SIPA1L3: variants seen among roughly 807,000 people sequenced by gnomAD.
SIPA1L3 encodes the protein signal induced proliferation associated 1 like 3.
In SIPA1L3, 59 loss-of-function variants were observed where a neutral mutation model predicts 150.1. The observed-to-expected ratio is 0.39, with a 90% CI of 0.32 to 0.49. SIPA1L3 has a LOEUF of 0.49. SIPA1L3 is among the 20% of genes least tolerant of loss of function. SIPA1L3 has a pLI of 0.86. For missense variants in SIPA1L3, 2,211 were observed against 2,489.5 expected, an observed-to-expected ratio of 0.89 and a Z score of 2.38; for synonymous variants, 1,070 against 1,077.6, an observed-to-expected ratio of 0.99 and a Z score of 0.14.
intron 2 of SIPA1L3, among the ~76,000 whole-genome samples, chr19:38,065,092 G>T (rs1001062644): frequency 2.0e-5 from 3 of 152,206 alleles, no homozygotes; most frequent in African/African-American, 7.2e-5. Flanking sequence ...ATAAAGTTCA[G>T]TTATACCAGG....
intron 1 of SIPA1L3, among the ~76,000 whole-genome samples, chr19:38,000,110 T>G (rs1250700564): frequency 1.3e-5 from 2 of 149,944 alleles, no homozygotes; most frequent in African/African-American, 4.9e-5. Flanking sequence ...AGTTCCTCAA[T>G]TAATAGTGGC....
In SIPA1L3 at chr19:38,164,468, T is replaced by C. The variant is rs1273510003; in HGVS notation, c.3781-11T>C. 6.3e-7 allele frequency: 1 copy of C among 1,590,712 alleles called. No individual in the cohort carries two copies. The highest frequency in any genetic ancestry group is 1.7e-5 in the Admixed American group (1 of 59,040). On this transcript the variant is annotated splice_polypyrimidine_tract_variant and intron_variant, in intron 14 of 21. Coordinates refer to ENST00000222345, the MANE Select transcript of SIPA1L3 (RefSeq NM_015073.3). This position sits in a 1 kb window ranked among gnomAD's most constrained non-coding sequence, Gnocchi z 4.1. Reference sequence around the variant, plus strand: ...GGAGTCTGGGAATGACACGCTTCTCTTGCCTCTCAGGGAGAACCTCAATAC... The same window carrying C: ...GGAGTCTGGGAATGACACGCTTCTCCTGCCTCTCAGGGAGAACCTCAATAC...
At chr19:37,991,804 G>A (rs1188901426) in intron 1 of SIPA1L3, among the ~76,000 whole-genome samples, 1 of 152,196 alleles carries the variant, frequency 6.6e-6, no homozygotes, top group Non-Finnish European at 1.5e-5. Flanking sequence ...TAGGACCGGG[G>A]TGGGGTTTGG....
intron 1 of SIPA1L3, among the ~76,000 whole-genome samples, chr19:38,000,914 T>C (rs1045158126): frequency 5.7e-5 from 7 of 123,872 alleles, no homozygotes; most frequent in African/African-American, 3.0e-5. Context: ...ATATATAACA[T>C]ATATATAACA....
chr19:38,125,156 C>G (rs1478048001), intron 9 of SIPA1L3, among the ~76,000 whole-genome samples: 1 of 152,158 alleles, frequency 6.6e-6, no homozygotes, highest in African/African-American at 2.4e-5. Context: ...CTGTCTCAGC[C>G]CCCCAGGTAG....
At chr19:37,999,461 C>T (rs1044151957) in intron 1 of SIPA1L3, among the ~76,000 whole-genome samples, 2 of 152,210 alleles carry the variant, frequency 1.3e-5, no homozygotes, top group South Asian at 4.1e-4. Context: ...AACAGGCAAC[C>T]GCCCCAGCCT....
intron 1 of SIPA1L3, among the ~76,000 whole-genome samples, chr19:38,022,519 G>A (rs1968397373): frequency 6.7e-6 from 1 of 150,032 alleles, no homozygotes; most frequent in South Asian, 2.1e-4. Flanking sequence ...CTAACATGGT[G>A]AAACCCCGTC....
intron 2 of SIPA1L3, among the ~76,000 whole-genome samples, chr19:38,034,311 G>A (rs563606136): frequency 8.0e-4 from 122 of 152,296 alleles, no homozygotes; most frequent in Non-Finnish European, 1.4e-3. Context: ...AAGCCCTGCC[G>A]TAAGCGCCTC....
chr19:38,138,897 C>CA (rs3045988), intron 10 of SIPA1L3, among the ~76,000 whole-genome samples: 1,010 of 44,126 alleles, frequency 0.023, 55 homozygotes, highest in Middle Eastern at 0.038. Flanking sequence ...GACTCTATCT[C>CA]AAAAAAAAAA....
At chr19:37,931,632 C>T (rs890386928) in intron 1 of SIPA1L3, among the ~76,000 whole-genome samples, 3 of 152,092 alleles carry the variant, frequency 2.0e-5, no homozygotes, top group East Asian at 3.9e-4. Flanking sequence ...CGCCTGTAAT[C>T]CCAGCTACTT....
In SIPA1L3 at chr19:38,032,351, AG is replaced by A. The variant is rs569060404; in HGVS notation, c.-311+3198del. On this transcript the variant is annotated intron_variant, in intron 2 of 21. Transcript: ENST00000222345. ...ACGGCACTTTTCCTACGTGGTAACC[AG>A]GGCCTTAGGGAACTTGGAAAGAACA... 2.1e-4 allele frequency among the ~76,000 whole-genome samples: 32 copies of A among 152,290 alleles called. No individual in the cohort carries two copies. In the South Asian group the frequency reaches 5.0e-3, roughly 24 times the overall value.
At chr19:38,068,960 G>A (rs1003655400) in intron 2 of SIPA1L3, among the ~76,000 whole-genome samples, 12 of 152,152 alleles carry the variant, frequency 7.9e-5, no homozygotes, top group African/African-American at 1.2e-4. Flanking sequence ...TGAATCTGGC[G>A]CATCAGGAGA....
chr19:38,102,567 G>C (rs1970529951), intron 6 of SIPA1L3, among the ~76,000 whole-genome samples: 1 of 145,252 alleles, frequency 6.9e-6, no homozygotes, highest in African/African-American at 2.6e-5. Flanking sequence ...GACCAGCTTG[G>C]GCAAAAAAGC....
At chr19:37,988,918 C>T (rs1382317989) in intron 1 of SIPA1L3, among the ~76,000 whole-genome samples, 3 of 152,122 alleles carry the variant, frequency 2.0e-5, no homozygotes, top group Non-Finnish European at 4.4e-5. Context: ...GCTGCTCCTG[C>T]GAAGCTTCCC....
intron 17 of SIPA1L3, 78 bp downstream of exon 17, chr19:38,192,388 C>A: frequency 1.5e-6 from 2 of 1,347,062 alleles, no homozygotes; most frequent in Non-Finnish European, 2.0e-6. Flanking sequence ...AGGAGAAGGG[C>A]TGTGCTCCCC....
chr19:38,004,981 TTC>T (rs1343153222), intron 1 of SIPA1L3, among the ~76,000 whole-genome samples: 1 of 152,094 alleles, frequency 6.6e-6, no homozygotes, highest in African/African-American at 2.4e-5. Flanking sequence ...TCACCGCATG[TTC>T]TCTCAGCCCG....
At chr19:37,950,181 G>A (rs2046750704) in intron 1 of SIPA1L3, among the ~76,000 whole-genome samples, 1 of 152,038 alleles carries the variant, frequency 6.6e-6, no homozygotes, top group Admixed American at 6.6e-5. Flanking sequence ...CACTCTTGGG[G>A]CTGCAGTTTT....
chr19:37,981,915 C>T (rs562237524), intron 1 of SIPA1L3, among the ~76,000 whole-genome samples: 1 of 152,298 alleles, frequency 6.6e-6, no homozygotes, highest in East Asian at 1.9e-4. Context: ...AATCGCCTCC[C>T]ACACAGAATA....
In SIPA1L3 at chr19:38,059,983, C is replaced by T. The variant is rs146676623; in HGVS notation, c.-310-21273C>T. Among the ~76,000 whole-genome samples the T allele has an allele frequency of 2.9e-3, 444 of 152,260 alleles. 2 individuals are homozygous for T. Among genetic ancestry groups the T allele is most frequent in the African/African-American group, 0.01 (422 of 41,538 alleles). On this transcript the variant is annotated intron_variant, in intron 2 of 21. Coordinates refer to ENST00000222345, the MANE Select transcript of SIPA1L3 (RefSeq NM_015073.3). Reference sequence around the variant, plus strand: ...AGAGACGAGGTTTTGCCATGTTGGCCAGGCTGGTCTCGAACTTCTGAGCTC... The same window carrying T: ...AGAGACGAGGTTTTGCCATGTTGGCTAGGCTGGTCTCGAACTTCTGAGCTC...
Sources: allele counts gnomAD v4.1 joint callset (sites outside exome capture counted in the v4.1 genomes callset), GRCh38; gene constraint gnomAD v4.1.1; non-coding constraint Gnocchi (gnomAD v3.1); transcripts MANE v1.5; gene names NCBI Gene and HGNC (gene_info 2026-07-23, HGNC 2026-07-21).